Variants in GUCY1A2 observed in about 807,000 individuals in gnomAD.
GUCY1A2 encodes guanylate cyclase soluble subunit alpha-2.
A neutral mutation model predicts 63.5 loss-of-function variants in GUCY1A2; 27 were observed. The ratio of observed to expected loss-of-function variants is 0.43; its 90% CI spans 0.31 to 0.59. The LOEUF (loss-of-function observed/expected upper bound fraction) is 0.59, where lower values mean the gene tolerates loss of function less well. Ranked by LOEUF, GUCY1A2 falls within the 20% of genes least tolerant of loss-of-function variation. GUCY1A2 has a pLI of 0.11. For synonymous variants in GUCY1A2, 364 were observed against 343.5 expected (o/e 1.06, Z -0.66); for missense variants, 768 against 913.3 (o/e 0.84, Z 2.05).
At chr11:106,733,906 C>G (rs1430995158) in intron 6 of GUCY1A2, among the ~76,000 whole-genome samples, 1 of 152,058 alleles carries the variant, frequency 6.6e-6, no homozygotes, top group Non-Finnish European at 1.5e-5. Context: ...TCCTCAACTC[C>G]TCCTAGGGGA....
chr11:106,842,402 G>C (rs1397661938), intron 4 of GUCY1A2, among the ~76,000 whole-genome samples: 1 of 151,964 alleles, frequency 6.6e-6, no homozygotes, highest in Non-Finnish European at 1.5e-5. Context: ...CCACTATGTA[G>C]TCCCTTTCTT....
intron 7 of GUCY1A2, among the ~76,000 whole-genome samples, chr11:106,698,865 CATTT>C (rs143833209): frequency 0.03 from 4,552 of 152,148 alleles, 106 homozygotes; most frequent in South Asian, 0.073. Flanking sequence ...TTTGGTCATT[CATTT>C]ATTTAATCAG....
At chr11:106,748,049 C>A (rs1863820464) in intron 6 of GUCY1A2, among the ~76,000 whole-genome samples, 1 of 152,144 alleles carries the variant, frequency 6.6e-6, no homozygotes, top group South Asian at 2.1e-4. Flanking sequence ...TATTCTTAAG[C>A]TCTCATTTCC....
intron 2 of GUCY1A2, among the ~76,000 whole-genome samples, chr11:106,984,828 T>G (rs1293656434): frequency 6.6e-6 from 1 of 152,188 alleles, no homozygotes; most frequent in Non-Finnish European, 1.5e-5. Context: ...AATTTGACAT[T>G]CTTTATCTCC....
intron 5 of GUCY1A2, among the ~76,000 whole-genome samples, chr11:106,783,971 C>T (rs1864512160): frequency 6.6e-6 from 1 of 152,172 alleles, no homozygotes; most frequent in South Asian, 2.1e-4. Context: ...TGTGCAGGTA[C>T]TGTCTCCAGC....
intron 3 of GUCY1A2, among the ~76,000 whole-genome samples, chr11:106,952,177 C>T (rs1480914117): frequency 6.6e-6 from 1 of 152,134 alleles, no homozygotes; most frequent in African/African-American, 2.4e-5. Context: ...AGCATGAGGT[C>T]TCCAGCTTTG....
At chr11:106,942,897 G>A (rs984840926) in intron 3 of GUCY1A2, among the ~76,000 whole-genome samples, 2 of 152,138 alleles carry the variant, frequency 1.3e-5, no homozygotes, top group East Asian at 1.9e-4. Flanking sequence ...ATTTTCAAAT[G>A]ATGATGCTAA....
At position 106,684,738 on chromosome 11, in the gene GUCY1A2, C is replaced by A; in HGVS notation, c.*2811G>T. The A allele has an allele frequency of 4.9e-6, 1 of 204,672 alleles. No individual in the cohort carries two copies. The highest frequency in any genetic ancestry group is 1.0e-5 in the Non-Finnish European group (1 of 99,918). The allele number at this position is 204,672 out of a possible 1,614,324, so 12.7% of individuals were successfully genotyped here. A position where few individuals can be genotyped will look rare whatever the true frequency, so the allele number is the denominator to read the frequency against. On this transcript the variant is annotated 3_prime_UTR_variant, in exon 8 of 8. Coordinates refer to ENST00000526355, the MANE Select transcript of GUCY1A2 (RefSeq NM_000855.3). ...GCAGAGTGGGTTAAAACCATTTCCC[C>A]AATTTAATATCATTTGGTTTCTAAG...
At chr11:106,936,304 T>G (rs943916579) in intron 4 of GUCY1A2, among the ~76,000 whole-genome samples, 12 of 152,342 alleles carry the variant, frequency 7.9e-5, no homozygotes, top group African/African-American at 2.6e-4. Flanking sequence ...GCAATACATT[T>G]CCAAATTCTC....
At chr11:106,950,508 T>C (rs1044653622) in intron 3 of GUCY1A2, among the ~76,000 whole-genome samples, 1 of 152,198 alleles carries the variant, frequency 6.6e-6, no homozygotes, top group Non-Finnish European at 1.5e-5. Context: ...GCTCCCAAGA[T>C]TTGGAATCTC....
At chr11:106,725,575 T>C (rs1863394089) in intron 6 of GUCY1A2, among the ~76,000 whole-genome samples, 1 of 152,176 alleles carries the variant, frequency 6.6e-6, no homozygotes, top group Non-Finnish European at 1.5e-5. Flanking sequence ...TAAAAGTTAA[T>C]TTAATCACGT....
chr11:106,718,730 G>A (rs535322884), intron 6 of GUCY1A2, among the ~76,000 whole-genome samples: 6 of 151,958 alleles, frequency 3.9e-5, no homozygotes, highest in East Asian at 1.9e-4. Context: ...ATAACTTAGC[G>A]GTTGAAAAAA....
At chr11:106,992,862 C>A (rs1248295001) in intron 1 of GUCY1A2, among the ~76,000 whole-genome samples, 2 of 152,128 alleles carry the variant, frequency 1.3e-5, no homozygotes, top group Non-Finnish European at 2.9e-5. Context: ...CTCTAGCTCA[C>A]CTTTCCCCAC....
At chr11:107,005,999 T>C (rs916575056) in intron 1 of GUCY1A2, among the ~76,000 whole-genome samples, 3 of 152,236 alleles carry the variant, frequency 2.0e-5, no homozygotes, top group Non-Finnish European at 1.5e-5. Flanking sequence ...CCAAAATCTA[T>C]TGATCGTATG....
intron 4 of GUCY1A2, among the ~76,000 whole-genome samples, chr11:106,863,622 C>T (rs528195642): frequency 6.6e-6 from 1 of 151,810 alleles, no homozygotes; most frequent in South Asian, 2.1e-4. Context: ...TATATGGGCT[C>T]TTTCTTGGTT....
rs185595292 is a variant in GUCY1A2, at chr11:106,713,757, C to T, written c.1837-5091G>A. On this transcript the variant is annotated intron_variant, in intron 6 of 7. Transcript: ENST00000526355. The stretch of plus-strand genomic sequence containing the variant: ...TCCTGACCTTGTGATCTGCCCTCCT[C>T]GACCTCCCAAAGTGCTGGGATTACA... 3.8e-3 allele frequency among the ~76,000 whole-genome samples: 580 copies of T among 152,022 alleles called. 2 individuals carry two copies. Among genetic ancestry groups the T allele is most frequent in the Middle Eastern group, 0.017 (5 of 294 alleles).
chr11:106,824,232 A>C (rs1858938276), intron 4 of GUCY1A2: 13 of 1,027,552 alleles, frequency 1.3e-5, no homozygotes, highest in Non-Finnish European at 1.7e-5. Context: ...AAGTATATTA[A>C]AGCCTATGGG....
At chr11:106,841,320 T>C (rs746515299) in intron 4 of GUCY1A2, among the ~76,000 whole-genome samples, 3 of 151,910 alleles carry the variant, frequency 2.0e-5, no homozygotes, top group Non-Finnish European at 4.4e-5. Context: ...GTGTATTTGA[T>C]ACAAATTCCT....
chr11:106,964,437 C>T (rs1447047949), intron 3 of GUCY1A2, among the ~76,000 whole-genome samples: 1 of 152,060 alleles, frequency 6.6e-6, no homozygotes, highest in East Asian at 1.9e-4. Context: ...GGTACCTGAC[C>T]ACTAGGTACC....
Sources: gnomAD v4.1 joint callset for allele counts (sites outside exome capture counted in the v4.1 genomes callset) on GRCh38, gnomAD v4.1.1 for gene constraint, MANE v1.5 for transcripts, NCBI Gene and HGNC (gene_info 2026-07-23, HGNC 2026-07-21) for gene names.